CCAR1: variants seen among roughly 807,000 people sequenced by gnomAD.
CCAR1 encodes cell division cycle and apoptosis regulator protein 1.
CCAR1 carries 78 observed loss-of-function variants against 163.8 expected under a neutral mutation model. The ratio of observed to expected loss-of-function variants is 0.48; its 90% CI spans 0.40 to 0.57. CCAR1 has a LOEUF of 0.57. Among genes scored for constraint, CCAR1 ranks in the 20% least tolerant of loss-of-function variants. The pLI is 0.00. For synonymous variants in CCAR1, 443 were observed against 460.7 expected, an observed-to-expected ratio of 0.96 and a Z score of 0.49; for missense variants, 1,019 against 1,365.2, an observed-to-expected ratio of 0.75 and a Z score of 4.00.
At chr10:68,737,498 CAAAAAAAAAAA>C (rs1200590065) in intron 3 of CCAR1, among the ~76,000 whole-genome samples, 4 of 64,436 alleles carry the variant, frequency 6.2e-5, no homozygotes, top group Non-Finnish European at 7.9e-5. Flanking sequence ...ACCCTGTGTC[CAAAAAAAAAAA>C]AAAAAAAAAG....
intron 4 of CCAR1, among the ~76,000 whole-genome samples, chr10:68,738,546 A>G (rs978979286): frequency 2.0e-5 from 3 of 152,202 alleles, no homozygotes; most frequent in African/African-American, 7.2e-5. Context: ...TGTGAAAATG[A>G]AAGCTCCTTT....
chr10:68,771,495 A>G, intron 18 of CCAR1, 50 bp downstream of exon 18: 2 of 1,446,510 alleles, frequency 1.4e-6, no homozygotes, highest in South Asian at 1.3e-5. Context: ...CTTCTAGGTT[A>G]TAAAGGTTGA....
rs927190524 is a variant in CCAR1, at chr10:68,728,994, A to G, written c.73+6417A>G. Among the ~76,000 whole-genome samples, 5 of 151,480 alleles carry G rather than the reference A, an allele frequency of 3.3e-5. 1 individual carries two copies. The highest frequency in any genetic ancestry group is 1.9e-4 in the East Asian group (1 of 5,162). On this transcript the variant is annotated intron_variant, in intron 2 of 24. Transcript: ENST00000265872. ...CCCTGTCCAATAAGTAGAACTTTCT[A>G]TGGTAATAAGCATGTGCTACATCTG...
intron 19 of CCAR1, among the ~76,000 whole-genome samples, chr10:68,773,784 T>C (rs1320060142): frequency 2.0e-5 from 3 of 152,158 alleles, no homozygotes; most frequent in Non-Finnish European, 4.4e-5. Flanking sequence ...TGCTCACAGC[T>C]CACTGCAGCC....
intron 19 of CCAR1, among the ~76,000 whole-genome samples, chr10:68,778,615 C>T (rs1212944510): frequency 6.6e-6 from 1 of 152,104 alleles, no homozygotes; most frequent in Non-Finnish European, 1.5e-5. Context: ...TACCCCTACA[C>T]TTGAATAAAA....
At chr10:68,753,672 T>C (rs2056364845) in intron 10 of CCAR1, among the ~76,000 whole-genome samples, 180 bp from the exon 11 acceptor site, 1 of 152,230 alleles carries the variant, frequency 6.6e-6, no homozygotes, top group South Asian at 2.1e-4. Context: ...GCTTTGCGTA[T>C]ATAAATTTGA....
chr10:68,786,176 A>G lies in CCAR1; in HGVS notation c.2691A>G (p.Arg897=), dbSNP rs139705190. 2.5e-6 allele frequency: 4 copies of G among 1,612,240 alleles called. No individual in the cohort carries two copies. Among genetic ancestry groups the G allele is most frequent in the Non-Finnish European group, 1.7e-6 (2 of 1,178,658 alleles). ...EEEMTKRDDK[R]DINRYCKERP... The stretch of plus-strand genomic sequence containing the variant: ...AAATGACCAAACGAGATGACAAAAG[A>G]GATATCAACAGATACTGCAAGGAGA... The change falls in exon 20 of 25, where the codon AGA becomes AGG. Residue 897 remains arginine (R), a synonymous_variant. Coordinates refer to ENST00000265872, the MANE Select transcript of CCAR1 (RefSeq NM_018237.4).
At chr10:68,779,103 A>G (rs1023924105) in intron 19 of CCAR1, among the ~76,000 whole-genome samples, 6 of 152,072 alleles carry the variant, frequency 3.9e-5, no homozygotes, top group African/African-American at 1.2e-4. Context: ...TCGGCCTCTC[A>G]GAGTGCTGGG....
chr10:68,739,110 A>G (rs2056150537), intron 4 of CCAR1, among the ~76,000 whole-genome samples: 1 of 152,166 alleles, frequency 6.6e-6, no homozygotes, highest in Admixed American at 6.6e-5. Flanking sequence ...TTGCTGAAAT[A>G]CAGATATGCT....
intron 17 of CCAR1, among the ~76,000 whole-genome samples, chr10:68,768,235 AT>A (rs974202829): frequency 2.0e-5 from 3 of 151,466 alleles, no homozygotes; most frequent in African/African-American, 7.3e-5. Context: ...AGTTGTTGGG[AT>A]TTTTTTTTCC....
chr10:68,790,855 A>G (rs1459599000), intron 24 of CCAR1, among the ~76,000 whole-genome samples: 1 of 142,298 alleles, frequency 7.0e-6, no homozygotes, highest in Non-Finnish European at 1.5e-5. Context: ...AAACTGCGAG[A>G]CTCTGTCTCA....
At chr10:68,785,428 C>T (rs563417514) in intron 19 of CCAR1, among the ~76,000 whole-genome samples, 101 of 151,668 alleles carry the variant, frequency 6.7e-4, no homozygotes, top group Middle Eastern at 6.8e-3. Context: ...TGCCATGTTG[C>T]ACTGGCTGGT....
chr10:68,743,700 A>G lies in CCAR1; in HGVS notation c.518+1131A>G, dbSNP rs1280683801. Reference sequence around the variant, plus strand: ...AGGGACAACAGACGTGTGCCACCACACCCGGCTAATTTTTGTATTATTTAT... The same window carrying G: ...AGGGACAACAGACGTGTGCCACCACGCCCGGCTAATTTTTGTATTATTTAT... On this transcript the variant is annotated intron_variant, in intron 6 of 24. Coordinates refer to ENST00000265872, the MANE Select transcript of CCAR1 (RefSeq NM_018237.4). Among the ~76,000 whole-genome samples, 3 of 150,396 alleles carry G rather than the reference A, an allele frequency of 2.0e-5. 1 individual carries two copies. The highest frequency in any genetic ancestry group is 4.2e-4 in the South Asian group (2 of 4,760).
At chr10:68,766,727 T>C (rs1187635168) in intron 17 of CCAR1, among the ~76,000 whole-genome samples, 7 of 151,750 alleles carry the variant, frequency 4.6e-5, no homozygotes, top group South Asian at 2.1e-4. Context: ...GGTTTCTCCA[T>C]GTTGGTCACG....
In CCAR1 at chr10:68,792,026, A is replaced by G. The variant is rs921911915; in HGVS notation, c.*760A>G. ...GCGGAGGTTGCAGTCACTCAGGATC[A>G]TGCAGCTACACTCCAGCCTGGGCGA... On this transcript the variant is annotated 3_prime_UTR_variant, in exon 25 of 25. Coordinates refer to ENST00000265872, the MANE Select transcript of CCAR1 (RefSeq NM_018237.4). 6.6e-6 allele frequency: 1 copy of G among 152,042 alleles called. No individual in the cohort carries two copies. Among genetic ancestry groups the G allele is most frequent in the Non-Finnish European group, 1.5e-5 (1 of 68,092 alleles). 9.4% of individuals were successfully genotyped at this position (152,042 alleles called of 1,614,324 possible). A position where few individuals can be genotyped will look rare whatever the true frequency, so the allele number is the denominator to read the frequency against.
chr10:68,725,687 T>A (rs753927911), intron 2 of CCAR1, among the ~76,000 whole-genome samples: 6 of 152,216 alleles, frequency 3.9e-5, no homozygotes, highest in Non-Finnish European at 8.8e-5. Flanking sequence ...TTTATATCTC[T>A]TACTCTTTGC....
intron 17 of CCAR1, among the ~76,000 whole-genome samples, chr10:68,770,303 C>A (rs1375512518): frequency 1.3e-5 from 2 of 152,212 alleles, no homozygotes; most frequent in African/African-American, 4.8e-5. Flanking sequence ...GTTATTTATT[C>A]TCTCCACTAG....
chr10:68,737,563 C>T (rs551240349), intron 3 of CCAR1, among the ~76,000 whole-genome samples: 97 of 150,034 alleles, frequency 6.5e-4, no homozygotes, highest in Non-Finnish European at 1.0e-3. Flanking sequence ...TTGGGCAGTT[C>T]TTATACCTTA....
chr10:68,739,061 A>G (rs1395645861), intron 4 of CCAR1, among the ~76,000 whole-genome samples: 1 of 152,220 alleles, frequency 6.6e-6, no homozygotes, highest in Non-Finnish European at 1.5e-5. Context: ...TTTTCCTTAG[A>G]CACATTCTCT....
Sources: gnomAD v4.1 joint callset for allele counts (sites outside exome capture counted in the v4.1 genomes callset) on GRCh38, gnomAD v4.1.1 for gene constraint, MANE v1.5 for transcripts, NCBI Gene and HGNC (gene_info 2026-07-23, HGNC 2026-07-21) for gene names.